TNFSF4: variants seen among roughly 807,000 people sequenced by gnomAD.
TNFSF4 encodes tumor necrosis factor ligand superfamily member 4.
In TNFSF4, 4 loss-of-function variants were observed where a neutral mutation model predicts 7.3. The ratio of observed to expected loss-of-function variants is 0.55; its 90% CI spans 0.27 to 1.25. The LOEUF (loss-of-function observed/expected upper bound fraction) is 1.25, where lower values mean the gene tolerates loss of function less well. TNFSF4 is among the 50% of genes most tolerant of loss of function. The pLI is 0.12. For synonymous variants in TNFSF4, 76 were observed against 83.7 expected (o/e 0.91, Z 0.50); for missense variants, 181 against 208.8 (o/e 0.87, Z 0.82).
At chr1:173,175,407 AAATT>A in the TNFSF4 span, 1 of 152,098 alleles carries the variant, frequency 6.6e-6, no homozygotes, top group East Asian at 1.9e-4. Flanking sequence ...TTGTTTAAAT[AAATT>A]AATTTTGTTA....
At chr1:173,295,788 A>G in the TNFSF4 span, among the ~76,000 whole-genome samples, 3 of 152,022 alleles carry the variant, frequency 2.0e-5, no homozygotes, top group Admixed American at 6.6e-5. Context: ...GTCCCCATAA[A>G]CTTTTCTTAA....
the TNFSF4 span, among the ~76,000 whole-genome samples, chr1:173,444,823 CAA>C: frequency 6.6e-6 from 1 of 152,150 alleles, no homozygotes; most frequent in African/African-American, 2.4e-5. Flanking sequence ...GAAGAGCATA[CAA>C]AAGACAGATG....
At chr1:173,404,309 G>A in the TNFSF4 span, among the ~76,000 whole-genome samples, 2 of 152,102 alleles carry the variant, frequency 1.3e-5, no homozygotes, top group African/African-American at 4.8e-5. Context: ...GGCTAATCCT[G>A]GGACACATAA....
At chr1:173,397,535 A>G in the TNFSF4 span, among the ~76,000 whole-genome samples, 3 of 152,174 alleles carry the variant, frequency 2.0e-5, no homozygotes, top group African/African-American at 7.2e-5. Context: ...AGTGGAATTT[A>G]GCTCAGTTCA....
At chr1:173,379,827 C>T in the TNFSF4 span, among the ~76,000 whole-genome samples, 1 of 152,170 alleles carries the variant, frequency 6.6e-6, no homozygotes, top group Non-Finnish European at 1.5e-5. Flanking sequence ...TTAAAACAGA[C>T]TGTCCAATGA....
In TNFSF4 at chr1:173,186,780, G is replaced by A; in HGVS notation, c.288C>T (p.Asn96=). 1.2e-6 allele frequency: 2 copies of A among 1,614,124 alleles called. No homozygotes were observed. The highest frequency in any genetic ancestry group is 1.7e-6 in the Non-Finnish European group (2 of 1,179,990). Residue 96 remains asparagine (N), a synonymous_variant, in exon 3 of 3, where the codon AAC becomes AAT. Transcript: ENST00000281834. ...GGGAGATGAGATAAAACCCATCACA[G>A]TTGATGATGACTGAGTTGTTCTGCA... ...MKVQNNSVII[N]CDGFYLISLK...
chr1:173,228,807 A>G, the TNFSF4 span, among the ~76,000 whole-genome samples: 1 of 152,258 alleles, frequency 6.6e-6, no homozygotes, highest in African/African-American at 2.4e-5. Flanking sequence ...AGCTGATTCA[A>G]TCAACTGGAA....
intron 1 of TNFSF4, among the ~76,000 whole-genome samples, chr1:173,193,963 G>A (rs1185262844): frequency 3.9e-5 from 6 of 152,176 alleles, no homozygotes; most frequent in Non-Finnish European, 2.9e-5. Flanking sequence ...TGTTGTTGTT[G>A]TTTTAAGTGC....
At chr1:173,438,015 A>T in the TNFSF4 span, among the ~76,000 whole-genome samples, 1 of 152,124 alleles carries the variant, frequency 6.6e-6, no homozygotes, top group Non-Finnish European at 1.5e-5. Flanking sequence ...CTAAACTTAA[A>T]TATTAATTTG....
chr1:173,227,031 G>T, the TNFSF4 span, among the ~76,000 whole-genome samples: 8 of 151,768 alleles, frequency 5.3e-5, no homozygotes, highest in East Asian at 1.5e-3. Flanking sequence ...CAAGGACTTG[G>T]ATAATACAAC....
At chr1:173,230,561 A>T in the TNFSF4 span, among the ~76,000 whole-genome samples, 1 of 151,746 alleles carries the variant, frequency 6.6e-6, no homozygotes, top group Admixed American at 6.6e-5. Context: ...CTAGCAGAAG[A>T]CAAGAAATAA....
chr1:173,354,582 T>C, the TNFSF4 span, among the ~76,000 whole-genome samples: 1 of 152,334 alleles, frequency 6.6e-6, no homozygotes, highest in South Asian at 2.1e-4. Context: ...GGTATCTTTT[T>C]AGTTTTCCCA....
chr1:173,317,597 C>T, the TNFSF4 span, among the ~76,000 whole-genome samples: 5 of 152,094 alleles, frequency 3.3e-5, no homozygotes, highest in Admixed American at 2.0e-4. Context: ...AAATATAATA[C>T]TTAAGAAATA....
At chr1:173,224,411 G>A in the TNFSF4 span, among the ~76,000 whole-genome samples, 1 of 152,182 alleles carries the variant, frequency 6.6e-6, no homozygotes, top group Non-Finnish European at 1.5e-5. Context: ...GATGCAGCTG[G>A]AATGTGAACA....
the TNFSF4 span, among the ~76,000 whole-genome samples, chr1:173,238,068 C>A: frequency 6.6e-6 from 1 of 152,096 alleles, no homozygotes; most frequent in Admixed American, 6.5e-5. Flanking sequence ...ACACATAGAA[C>A]AATGGAACAG....
chr1:173,242,760 G>A, the TNFSF4 span, among the ~76,000 whole-genome samples: 1 of 152,124 alleles, frequency 6.6e-6, no homozygotes, highest in African/African-American at 2.4e-5. Context: ...CACTGAACAT[G>A]AGCAGGCTGT....
chr1:173,271,862 G>A, the TNFSF4 span, among the ~76,000 whole-genome samples: 1 of 152,098 alleles, frequency 6.6e-6, no homozygotes, highest in Non-Finnish European at 1.5e-5. Context: ...ATACCCAAAG[G>A]ATTATAAATC....
At chr1:173,244,740 C>A in the TNFSF4 span, among the ~76,000 whole-genome samples, 2 of 151,476 alleles carry the variant, frequency 1.3e-5, no homozygotes, top group Non-Finnish European at 2.9e-5. Flanking sequence ...ATGTTCACAG[C>A]CGCGCAAATG....
chr1:173,202,070 T>TACAC (rs1553213097), intron 1 of TNFSF4, among the ~76,000 whole-genome samples: 1 of 149,564 alleles, frequency 6.7e-6, no homozygotes, highest in Non-Finnish European at 1.5e-5. Context: ...TATATATATA[T>TACAC]ACACACACAC....
Sources: gnomAD v4.1 joint callset for allele counts (sites outside exome capture counted in the v4.1 genomes callset) on GRCh38, gnomAD v4.1.1 for gene constraint, MANE v1.5 for transcripts, NCBI Gene and HGNC (gene_info 2026-07-23, HGNC 2026-07-21) for gene names.